The following FAM171A1 variants were observed in gnomAD, a reference collection of about 807,000 sequenced individuals.
The protein encoded by FAM171A1 is protein FAM171A1.
In FAM171A1, 23 loss-of-function variants were observed where a neutral mutation model predicts 74.9. The observed-to-expected ratio is 0.31, with a 90% CI of 0.22 to 0.44. The LOEUF is 0.44. FAM171A1 is among the 20% of genes least tolerant of loss of function. The pLI, the probability that FAM171A1 is intolerant of heterozygous loss-of-function variation, is 1.00. For missense variants in FAM171A1, 1,162 were observed against 1,159.2 expected (o/e 1.00, Z -0.03); for synonymous variants, 527 against 505.7 (o/e 1.04, Z -0.57).
intron 1 of FAM171A1, among the ~76,000 whole-genome samples, chr10:15,312,991 G>C (rs938598805): frequency 2.6e-5 from 4 of 151,968 alleles, no homozygotes; most frequent in African/African-American, 9.7e-5. Flanking sequence ...CACCGTGCCC[G>C]GCCTTGCACT....
rs1174364593 is a variant in FAM171A1, at chr10:15,229,585, T to TCATCACCATCATCAC, written c.755-8540_755-8526dup. Among the ~76,000 whole-genome samples the TCATCACCATCATCAC allele has an allele frequency of 2.6e-3, 292 of 113,418 alleles. 5 individuals carry two copies. Among genetic ancestry groups the TCATCACCATCATCAC allele is most frequent in the African/African-American group, 9.3e-3 (273 of 29,408 alleles). The allele number at this position is 113,418 out of a possible 152,430, so 74.4% of individuals were successfully genotyped here. ...CCCATCACCATCACCAACGTCATCA[T>TCATCACCATCATCAC]CATCACCATCATCACCATCACCATC... On this transcript the variant is annotated intron_variant, in intron 5 of 7. Coordinates refer to ENST00000378116, the MANE Select transcript of FAM171A1 (RefSeq NM_001010924.2).
intron 4 of FAM171A1, among the ~76,000 whole-genome samples, chr10:15,253,169 A>C (rs1834531440): frequency 6.6e-6 from 1 of 151,842 alleles, no homozygotes; most frequent in African/African-American, 2.4e-5. Context: ...ACACCCAGCT[A>C]ATTTTTGTAT....
intron 1 of FAM171A1, among the ~76,000 whole-genome samples, chr10:15,353,375 G>T (rs183693971): frequency 2.6e-4 from 40 of 152,292 alleles, no homozygotes; most frequent in African/African-American, 9.6e-4. Context: ...TAACACTGTT[G>T]TGTTTTCCTA....
intron 1 of FAM171A1, among the ~76,000 whole-genome samples, chr10:15,327,335 CTATTAT>C (rs775827052): frequency 6.6e-6 from 1 of 152,252 alleles, no homozygotes; most frequent in Admixed American, 6.5e-5. Flanking sequence ...ATGCTACTGA[CTATTAT>C]TATTTCTATA....
intron 1 of FAM171A1, among the ~76,000 whole-genome samples, chr10:15,317,098 A>G (rs1298133396): frequency 6.6e-6 from 1 of 152,118 alleles, no homozygotes; most frequent in African/African-American, 2.4e-5. Flanking sequence ...AAAAAAATAT[A>G]GGCCTTTCCC....
At chr10:15,219,103 T>C (rs1196527325) in intron 6 of FAM171A1, among the ~76,000 whole-genome samples, 1 of 152,018 alleles carries the variant, frequency 6.6e-6, no homozygotes, top group Admixed American at 6.6e-5. Context: ...ACTAACATGG[T>C]GAAACCCTGT....
intron 5 of FAM171A1, among the ~76,000 whole-genome samples, chr10:15,229,427 C>G (rs1270539294): frequency 6.6e-6 from 1 of 151,810 alleles, no homozygotes; most frequent in Non-Finnish European, 1.5e-5. Context: ...ATCGTCATCA[C>G]CACCATCATC....
intron 1 of FAM171A1, among the ~76,000 whole-genome samples, chr10:15,284,678 G>A (rs1403166703): frequency 6.6e-6 from 1 of 152,178 alleles, no homozygotes; most frequent in African/African-American, 2.4e-5. Flanking sequence ...GGCTCCCAGA[G>A]TGCTGAGGTT....
intron 4 of FAM171A1, among the ~76,000 whole-genome samples, chr10:15,253,857 T>C (rs945628984): frequency 3.9e-5 from 6 of 152,308 alleles, no homozygotes; most frequent in African/African-American, 1.4e-4. Flanking sequence ...GTGGGGACCA[T>C]TCCAGTGCAA....
chr10:15,230,980 T>C (rs1277185096), intron 5 of FAM171A1, among the ~76,000 whole-genome samples: 3 of 152,154 alleles, frequency 2.0e-5, no homozygotes, highest in African/African-American at 7.2e-5. Context: ...CACACAAGGA[T>C]TGTGGGTGGC....
rs146360689 is a variant in FAM171A1, at chr10:15,272,028, C to T, written c.418+3827G>A. On this transcript the variant is annotated intron_variant, in intron 3 of 7. Coordinates refer to ENST00000378116, the MANE Select transcript of FAM171A1 (RefSeq NM_001010924.2). ...TCATAATGACAGGATCAAATTCACA[C>T]ATAAGAATATTAACCTTAAATGTAA... Among the ~76,000 whole-genome samples the T allele has an allele frequency of 6.5e-3, 994 of 152,256 alleles. 17 individuals carry two copies. In the East Asian group the frequency reaches 0.079, roughly 12 times the overall value.
At chr10:15,266,686 C>T (rs1034997682) in intron 3 of FAM171A1, among the ~76,000 whole-genome samples, 1 of 151,696 alleles carries the variant, frequency 6.6e-6, no homozygotes, top group Non-Finnish European at 1.5e-5. Flanking sequence ...GGCAACATAG[C>T]GAGACCCCCG....
At chr10:15,330,006 C>A (rs1041905155) in intron 1 of FAM171A1, among the ~76,000 whole-genome samples, 1 of 152,140 alleles carries the variant, frequency 6.6e-6, no homozygotes. Flanking sequence ...TATGGCACTG[C>A]AAATCACTGA....
chr10:15,229,432 A>G (rs1230926953), intron 5 of FAM171A1, among the ~76,000 whole-genome samples: 5 of 151,166 alleles, frequency 3.3e-5, no homozygotes, highest in Non-Finnish European at 7.4e-5. Context: ...CATCACCACC[A>G]TCATCACCAT....
chr10:15,260,869 GTC>G (rs1834646931), intron 3 of FAM171A1, among the ~76,000 whole-genome samples: 1 of 152,144 alleles, frequency 6.6e-6, no homozygotes, highest in African/African-American at 2.4e-5. Context: ...CTCACTAAAT[GTC>G]TCTGGGGAGG....
In FAM171A1 at chr10:15,254,826, C is replaced by G; in HGVS notation, c.472G>C (p.Glu158Gln). Residue 158 changes from glutamate (E) to glutamine (Q), a missense_variant, in exon 4 of 8, where the codon GAG (glutamate) becomes CAG (glutamine). Transcript: ENST00000378116. ...GTCAGGTCACTGTAGCTGGTGTTCT[C>G]AGGCAACCTCAGAGCCCTTCTCTGG... ...HFQRRALRLP[E>Q]NTSYSDLTAF... The G allele has an allele frequency of 1.9e-6, 3 of 1,614,212 alleles. No homozygotes were observed. Among genetic ancestry groups the G allele is most frequent in the Non-Finnish European group, 2.5e-6 (3 of 1,180,028 alleles).
At chr10:15,247,487 A>G (rs72638786) in intron 5 of FAM171A1, among the ~76,000 whole-genome samples, 31,413 of 151,760 alleles carry the variant, frequency 0.21, 4,192 homozygotes, top group East Asian at 0.49. Flanking sequence ...GTAGAAGGCA[A>G]CCTCTCAGAT....
rs371643326 is a variant in FAM171A1, at chr10:15,248,636, T to C, written c.754+3A>G. The C allele has an allele frequency of 1.9e-6, 3 of 1,598,822 alleles. No individual in the cohort carries two copies. The highest frequency in any genetic ancestry group is 4.5e-5 in the East Asian group (2 of 44,308). ...CGATTGTCGGCACAGAACTCTTGCTTACCCAGCTTCTGGTCAAACCGCCAC... is the reference window on the plus strand; with the variant it reads ...CGATTGTCGGCACAGAACTCTTGCTCACCCAGCTTCTGGTCAAACCGCCAC... On this transcript the variant is annotated splice_donor_region_variant and intron_variant, in intron 5 of 7. Transcript: ENST00000378116.
chr10:15,214,585 G>A lies in FAM171A1; in HGVS notation c.1003C>T (p.Pro335Ser). Residue 335 changes from proline to serine, a missense_variant, in exon 8 of 8, where the codon CCT (proline) becomes TCT (serine). Coordinates refer to ENST00000378116, the MANE Select transcript of FAM171A1 (RefSeq NM_001010924.2). The stretch of plus-strand genomic sequence containing the variant: ...TGCAGTTTTCTGTGGTGCTGACGAG[G>A]TTTCAAGCACTTCCTCCTGCGCCCA... ...LYYCRRKCLKPRQHHRKLQLP... is the reference protein window; with the variant it reads ...LYYCRRKCLKSRQHHRKLQLP... The A allele has an allele frequency of 5.0e-6, 8 of 1,595,052 alleles. No homozygotes were observed. The highest frequency in any genetic ancestry group is 6.8e-6 in the Non-Finnish European group (8 of 1,169,716).
Sources: allele counts gnomAD v4.1 joint callset (sites outside exome capture counted in the v4.1 genomes callset), GRCh38; gene constraint gnomAD v4.1.1; transcripts MANE v1.5; gene names NCBI Gene and HGNC (gene_info 2026-07-23, HGNC 2026-07-21).